The following MYT1L variants were observed in gnomAD, a reference collection of about 807,000 sequenced individuals.
MYT1L encodes the protein myelin transcription factor 1-like protein.
Under a neutral mutation model 126.7 loss-of-function variants are expected in MYT1L, and 12 were observed. The ratio of observed to expected loss-of-function variants is 0.09; its 90% confidence interval spans 0.06 to 0.15. The LOEUF is 0.15. Among genes scored for constraint, MYT1L ranks in the 10% least tolerant of loss-of-function variants. The pLI, the probability that MYT1L is intolerant of heterozygous loss-of-function variation, is 1.00. For synonymous variants in MYT1L, 541 were observed against 604.2 expected (o/e 0.90, Z 1.53); for missense variants, 979 against 1,585.2 (o/e 0.62, Z 6.49).
intron 14 of MYT1L, among the ~76,000 whole-genome samples, chr2:1,899,085 T>C (rs2049998341): frequency 6.6e-6 from 1 of 152,058 alleles, no homozygotes; most frequent in Non-Finnish European, 1.5e-5. Context: ...CCTGACAGGA[T>C]TAGGCCCCCA....
intron 3 of MYT1L, among the ~76,000 whole-genome samples, chr2:2,129,635 G>A (rs533865583): frequency 4.6e-5 from 7 of 152,238 alleles, no homozygotes; most frequent in African/African-American, 9.6e-5. Flanking sequence ...GGCCGGGCGC[G>A]GTGGCTCACG....
chr2:2,026,297 C>T (rs1219029502), intron 4 of MYT1L, among the ~76,000 whole-genome samples: 6 of 152,118 alleles, frequency 3.9e-5, no homozygotes, highest in East Asian at 1.9e-4. Flanking sequence ...TTGCTGGGGC[C>T]GGCCCATCTC....
At chr2:1,976,405 GC>G (rs2060190428) in intron 8 of MYT1L, among the ~76,000 whole-genome samples, 1 of 152,224 alleles carries the variant, frequency 6.6e-6, no homozygotes. Context: ...ACTTTGGGAG[GC>G]CGAGGCGGGC....
At chr2:2,273,067 C>G (rs1390940430) in intron 2 of MYT1L, among the ~76,000 whole-genome samples, 4 of 152,274 alleles carry the variant, frequency 2.6e-5, no homozygotes, top group Non-Finnish European at 5.9e-5. Flanking sequence ...CTTGCTGTCT[C>G]TCACGGAATC....
intron 2 of MYT1L, among the ~76,000 whole-genome samples, chr2:2,209,357 T>G (rs2093423947): frequency 6.6e-6 from 1 of 152,170 alleles, no homozygotes; most frequent in Non-Finnish European, 1.5e-5. Flanking sequence ...ATTCTTTCTA[T>G]TTTTGTAACC....
intron 3 of MYT1L, among the ~76,000 whole-genome samples, chr2:2,093,062 T>C (rs567692737): frequency 1.9e-4 from 29 of 152,286 alleles, no homozygotes; most frequent in Middle Eastern, 3.4e-3. Flanking sequence ...AATCTGTAAA[T>C]ACAGAGGATG....
At chr2:2,204,630 G>A (rs1328270181) in intron 2 of MYT1L, among the ~76,000 whole-genome samples, 1 of 149,248 alleles carries the variant, frequency 6.7e-6, no homozygotes, top group Non-Finnish European at 1.5e-5. Flanking sequence ...TGGAGAGGAT[G>A]TGGAGAAATA....
intron 1 of MYT1L, among the ~76,000 whole-genome samples, chr2:2,291,500 A>G (rs977535108): frequency 6.6e-6 from 1 of 152,208 alleles, no homozygotes; most frequent in African/African-American, 2.4e-5. Context: ...GGCCAACAGG[A>G]AAGTGTCCAG....
chr2:1,854,891 G>T (rs368261474), intron 18 of MYT1L, among the ~76,000 whole-genome samples: 39 of 152,152 alleles, frequency 2.6e-4, no homozygotes, highest in African/African-American at 9.2e-4. Context: ...TGCCCTCAAC[G>T]TCCTCACTAG....
intron 2 of MYT1L, among the ~76,000 whole-genome samples, chr2:2,249,775 A>G (rs762504926): frequency 2.6e-5 from 4 of 152,190 alleles, no homozygotes; most frequent in Non-Finnish European, 5.9e-5. Flanking sequence ...CAAACTACCC[A>G]TCTGACAAGA....
chr2:2,291,839 A>G (rs990531852), intron 1 of MYT1L, among the ~76,000 whole-genome samples: 1 of 152,228 alleles, frequency 6.6e-6, no homozygotes, highest in African/African-American at 2.4e-5. Flanking sequence ...CCTAAAAGTC[A>G]CTGTCTCACA....
intron 3 of MYT1L, among the ~76,000 whole-genome samples, chr2:2,162,171 GGC>G (rs1425610346): frequency 6.6e-6 from 1 of 152,154 alleles, no homozygotes; most frequent in African/African-American, 2.4e-5. Context: ...ACCTCCATGG[GGC>G]GCCAGATGAT....
At chr2:2,232,725 A>T (rs1172612429) in intron 2 of MYT1L, among the ~76,000 whole-genome samples, 2 of 152,164 alleles carry the variant, frequency 1.3e-5, no homozygotes, top group African/African-American at 2.4e-5. Flanking sequence ...AAGTTTAAGG[A>T]TGATGATATA....
chr2:2,203,636 C>T (rs1242828736), intron 2 of MYT1L, among the ~76,000 whole-genome samples: 1 of 151,958 alleles, frequency 6.6e-6, no homozygotes, highest in Non-Finnish European at 1.5e-5. Flanking sequence ...GAAGAACATT[C>T]CATGCTCATG....
At chr2:2,308,480 A>G (rs1008095249) in intron 1 of MYT1L, among the ~76,000 whole-genome samples, 10 of 150,796 alleles carry the variant, frequency 6.6e-5, no homozygotes, top group African/African-American at 2.2e-4. Flanking sequence ...TACTCTATCT[A>G]TACTCCAACT....
intron 3 of MYT1L, among the ~76,000 whole-genome samples, chr2:2,116,565 G>A (rs879298451): frequency 6.6e-6 from 1 of 152,194 alleles, no homozygotes. Context: ...TGATATGCAC[G>A]GCCTTCTGCC....
intron 4 of MYT1L, among the ~76,000 whole-genome samples, chr2:2,023,646 T>G (rs1282338664): frequency 6.7e-6 from 1 of 150,108 alleles, no homozygotes; most frequent in Non-Finnish European, 1.5e-5. Flanking sequence ...TCAAACAACA[T>G]AGAGGACTGA....
At chr2:2,252,159 G>A (rs771326046) in intron 2 of MYT1L, among the ~76,000 whole-genome samples, 11 of 152,134 alleles carry the variant, frequency 7.2e-5, no homozygotes, top group Non-Finnish European at 1.6e-4. Flanking sequence ...CCCTGTCTCA[G>A]CCAACTTTCC....
At chr2:2,269,783 T>C (rs561667705) in intron 2 of MYT1L, among the ~76,000 whole-genome samples, 1 of 152,266 alleles carries the variant, frequency 6.6e-6, no homozygotes, top group African/African-American at 2.4e-5. Flanking sequence ...TGAACGTCTT[T>C]CCTCCAATCA....
Sources: allele counts gnomAD v4.1 joint callset (sites outside exome capture counted in the v4.1 genomes callset), GRCh38; gene constraint gnomAD v4.1.1; transcripts MANE v1.5; gene names NCBI Gene and HGNC (gene_info 2026-07-23, HGNC 2026-07-21).